Variants in ACYP2 observed in about 807,000 individuals in gnomAD.
The protein encoded by ACYP2 is acylphosphatase 2, also known as acylphosphatase-2.
ACYP2 carries 12 observed loss-of-function variants against 11.2 expected under a neutral mutation model. That is an observed-to-expected ratio of 1.08 (90% CI 0.69 to 1.74). The LOEUF (loss-of-function observed/expected upper bound fraction) is 1.74, where lower values mean the gene tolerates loss of function less well. Among genes scored for constraint, ACYP2 ranks in the 40% most tolerant of loss-of-function variants. The pLI, the probability that ACYP2 is intolerant of heterozygous loss-of-function variation, is 0.00. For synonymous variants in ACYP2, 43 were observed against 32.2 expected (o/e 1.33, Z -1.13); for missense variants, 134 against 101.9 (o/e 1.31, Z -1.35).
chr2:54,279,803 T>C (rs1228904995), intron 6 of ACYP2, among the ~76,000 whole-genome samples: 2 of 152,208 alleles, frequency 1.3e-5, no homozygotes, highest in African/African-American at 4.8e-5. Flanking sequence ...TATACGGAAT[T>C]GTAATCATTT....
intron 6 of ACYP2, among the ~76,000 whole-genome samples, chr2:54,244,683 T>G (rs988356714): frequency 6.6e-6 from 1 of 152,168 alleles, no homozygotes; most frequent in African/African-American, 2.4e-5. Context: ...CTAGGAATTG[T>G]CCCCCTCATT....
At chr2:54,250,418 G>A (rs1687168834) in intron 6 of ACYP2, among the ~76,000 whole-genome samples, 1 of 149,762 alleles carries the variant, frequency 6.7e-6, no homozygotes, top group Non-Finnish European at 1.5e-5. Flanking sequence ...AGGTTGCAGT[G>A]AGCCGAGATT....
intron 6 of ACYP2, among the ~76,000 whole-genome samples, chr2:54,262,532 G>T (rs931160534): frequency 1.3e-5 from 2 of 152,148 alleles, no homozygotes; most frequent in African/African-American, 4.8e-5. Flanking sequence ...ATGGAAAATT[G>T]AAAATGAAAA....
chr2:54,164,797 C>G (rs943000814), intron 6 of ACYP2, among the ~76,000 whole-genome samples: 14 of 152,096 alleles, frequency 9.2e-5, no homozygotes, highest in African/African-American at 3.4e-4. Flanking sequence ...CACCTATCAA[C>G]TTATCATCTA....
chr2:54,255,635 C>T (rs371422603), intron 6 of ACYP2: 17 of 1,613,720 alleles, frequency 1.1e-5, no homozygotes, highest in Middle Eastern at 3.3e-4. Flanking sequence ...TCTTCCGCCA[C>T]GTCCATTTCT....
At chr2:54,176,904 T>C (rs1433512588) in intron 6 of ACYP2, among the ~76,000 whole-genome samples, 1 of 152,178 alleles carries the variant, frequency 6.6e-6, no homozygotes, top group Non-Finnish European at 1.5e-5. Context: ...AAGGTCTCTG[T>C]TGCAACTGCA....
At chr2:54,266,401 T>C (rs1688019180) in intron 6 of ACYP2, among the ~76,000 whole-genome samples, 1 of 152,046 alleles carries the variant, frequency 6.6e-6, no homozygotes, top group South Asian at 2.1e-4. Flanking sequence ...AATTAAAATA[T>C]GGACTGGATA....
At chr2:54,215,717 AT>A (rs1265623907) in intron 6 of ACYP2, among the ~76,000 whole-genome samples, 1 of 152,034 alleles carries the variant, frequency 6.6e-6, no homozygotes, top group South Asian at 2.1e-4. Context: ...AGGTGTAATC[AT>A]TTTTCTGACT....
chr2:54,046,680 TCAG>T (rs1343490385), intron 2 of ACYP2, among the ~76,000 whole-genome samples: 1 of 152,116 alleles, frequency 6.6e-6, no homozygotes, highest in African/African-American at 2.4e-5. Context: ...AGGGCCAGCT[TCAG>T]GGGTGTATGA....
chr2:54,143,336 AGT>A lies in ACYP2; in HGVS notation c.404+4593_404+4594del, dbSNP rs1681703707. 3 of 152,332 alleles carry A rather than the reference AGT, an allele frequency of 2.0e-5. No homozygotes were observed. In the South Asian group the frequency reaches 6.2e-4, roughly 32 times the overall value. The allele number at this position is 152,332 out of a possible 1,614,324, so 9.4% of individuals were successfully genotyped here. A position where few individuals can be genotyped will look rare whatever the true frequency, so the allele number is the denominator to read the frequency against. ...CTTGAATTAGCCTTTGATTGGTTAC[AGT>A]GTGTTATTCTTTTAAATTATTGCTG... On this transcript the variant is annotated intron_variant, in intron 6 of 6. Coordinates refer to ENST00000607452, the MANE Select transcript of ACYP2 (RefSeq NM_001320586.2).
At chr2:54,231,874 C>T (rs761086302) in intron 6 of ACYP2, among the ~76,000 whole-genome samples, 24 of 152,262 alleles carry the variant, frequency 1.6e-4, no homozygotes, top group Non-Finnish European at 2.2e-4. Flanking sequence ...GCATATCGGG[C>T]GCTGTACTAA....
intron 6 of ACYP2, among the ~76,000 whole-genome samples, chr2:54,292,198 C>CTT (rs963751889): frequency 1.4e-5 from 2 of 148,110 alleles, no homozygotes; most frequent in African/African-American, 2.5e-5. Flanking sequence ...CAAAACAAAT[C>CTT]TTTTTTTTTT....
At chr2:54,073,222 A>G (rs1677157330) in intron 4 of ACYP2, among the ~76,000 whole-genome samples, 1 of 152,150 alleles carries the variant, frequency 6.6e-6, no homozygotes, top group African/African-American at 2.4e-5. Flanking sequence ...ACTTCACACC[A>G]TATGTAAGAA....
At chr2:54,177,582 T>A (rs1203982027) in intron 6 of ACYP2, among the ~76,000 whole-genome samples, 9 of 118,188 alleles carry the variant, frequency 7.6e-5, no homozygotes, top group Non-Finnish European at 1.4e-4. Context: ...TACTATTTTT[T>A]TTTTTTTTTT....
At chr2:54,016,851 G>A (rs577443796) in intron 2 of ACYP2, among the ~76,000 whole-genome samples, 12 of 150,344 alleles carry the variant, frequency 8.0e-5, no homozygotes, top group Admixed American at 4.0e-4. Context: ...TCAGCCTCCC[G>A]AGTAGCTGGG....
At chr2:54,101,690 A>C (rs1204403766) in intron 4 of ACYP2, among the ~76,000 whole-genome samples, 6 of 140,566 alleles carry the variant, frequency 4.3e-5, no homozygotes, top group Non-Finnish European at 9.3e-5. Flanking sequence ...AAAAAAAAAA[A>C]CTGCCAGGTG....
chr2:54,171,067 A>G (rs1683201671), intron 6 of ACYP2, among the ~76,000 whole-genome samples: 1 of 152,056 alleles, frequency 6.6e-6, no homozygotes, highest in South Asian at 2.1e-4. Context: ...TTCTGTGTGT[A>G]TGTGACAGAT....
At chr2:54,263,155 G>A (rs1048796770) in intron 6 of ACYP2, among the ~76,000 whole-genome samples, 2 of 152,172 alleles carry the variant, frequency 1.3e-5, no homozygotes, top group African/African-American at 4.8e-5. Flanking sequence ...GCATAGTGTG[G>A]CATCTGCTCA....
rs185021491 is a variant in ACYP2 at position 54,199,749 on chromosome 2, T to A, written c.404+61001T>A. ...GTTGTGAAGTTTGGATTTACCTTGGTTTAAGAACTATGGAGCTGCAGAGCC... is the reference window on the plus strand; with the variant it reads ...GTTGTGAAGTTTGGATTTACCTTGGATTAAGAACTATGGAGCTGCAGAGCC... On this transcript the variant is annotated intron_variant, in intron 6 of 6. Coordinates refer to ENST00000607452, the MANE Select transcript of ACYP2 (RefSeq NM_001320586.2). Among the ~76,000 whole-genome samples, 71 of 152,276 alleles carry A rather than the reference T, an allele frequency of 4.7e-4. 1 individual carries two copies. The highest frequency in any genetic ancestry group is 4.5e-3 in the Admixed American group (69 of 15,294).
Sources: gnomAD v4.1 joint callset for allele counts (sites outside exome capture counted in the v4.1 genomes callset) on GRCh38, gnomAD v4.1.1 for gene constraint, MANE v1.5 for transcripts, NCBI Gene and HGNC (gene_info 2026-07-23, HGNC 2026-07-21) for gene names.